Variants in PLCB1 observed in about 807,000 individuals in gnomAD.
PLCB1 encodes the protein 1-phosphatidylinositol 4,5-bisphosphate phosphodiesterase beta-1.
Under a neutral mutation model 161.8 loss-of-function variants are expected in PLCB1, and 46 were observed. The ratio of observed to expected loss-of-function variants is 0.28; its 90% confidence interval spans 0.22 to 0.36. The LOEUF (loss-of-function observed/expected upper bound fraction) is 0.36. Among genes scored for constraint, PLCB1 ranks in the 10% least tolerant of loss-of-function variants. The probability of loss-of-function intolerance (pLI) is 1.00; values close to 1 mark genes in which losing one functional copy is unlikely to be tolerated. For missense variants in PLCB1, 1,016 were observed against 1,472.5 expected (o/e 0.69, Z 5.07); for synonymous variants, 517 against 503.7 (o/e 1.03, Z -0.35).
chr20:8,672,821 G>A (rs934889009), intron 9 of PLCB1, among the ~76,000 whole-genome samples: 12 of 152,034 alleles, frequency 7.9e-5, no homozygotes, highest in African/African-American at 2.9e-4. Flanking sequence ...CTTATTTAAA[G>A]TTACATTCAG....
At chr20:8,209,254 G>A (rs1231391497) in intron 2 of PLCB1, among the ~76,000 whole-genome samples, 1 of 151,650 alleles carries the variant, frequency 6.6e-6, no homozygotes, top group East Asian at 1.9e-4. Flanking sequence ...GTTTAACCTC[G>A]GGGTTTGTCA....
chr20:8,276,688 G>A (rs1206161587), intron 2 of PLCB1, among the ~76,000 whole-genome samples: 1 of 152,002 alleles, frequency 6.6e-6, no homozygotes, highest in African/African-American at 2.4e-5. Context: ...TGATAAAATG[G>A]GATGTAAGGG....
intron 2 of PLCB1, among the ~76,000 whole-genome samples, chr20:8,172,869 C>T (rs566706469): frequency 1.3e-5 from 2 of 152,102 alleles, no homozygotes; most frequent in African/African-American, 2.4e-5. Flanking sequence ...TTATGTTTCC[C>T]CCAGCCAGTA....
At chr20:8,188,943 A>T (rs2051935701) in intron 2 of PLCB1, among the ~76,000 whole-genome samples, 1 of 152,124 alleles carries the variant, frequency 6.6e-6, no homozygotes, top group East Asian at 1.9e-4. Flanking sequence ...AGTGTTTCAG[A>T]GGAAAATATT....
chr20:8,790,075 C>T, intron 30 of PLCB1, 100 bp from the exon 31 acceptor site: 1 of 753,100 alleles, frequency 1.3e-6, no homozygotes, highest in Non-Finnish European at 2.2e-6. Flanking sequence ...ATCAAATAAT[C>T]AAATGTAAGC....
intron 3 of PLCB1, among the ~76,000 whole-genome samples, chr20:8,506,222 G>A (rs1297852324): frequency 6.6e-6 from 1 of 151,912 alleles, no homozygotes; most frequent in Non-Finnish European, 1.5e-5. Context: ...TTTGCCTATT[G>A]GCCATCTGGC....
intron 14 of PLCB1, among the ~76,000 whole-genome samples, chr20:8,719,327 G>A (rs1979501202): frequency 6.6e-6 from 1 of 152,156 alleles, no homozygotes; most frequent in Non-Finnish European, 1.5e-5. Context: ...TGCTAAAGAT[G>A]TGTATTTAGG....
intron 3 of PLCB1, among the ~76,000 whole-genome samples, chr20:8,606,300 C>T (rs1987756266): frequency 6.6e-6 from 1 of 152,130 alleles, no homozygotes; most frequent in South Asian, 2.1e-4. Flanking sequence ...TATTAAATAA[C>T]ACAGTACTTT....
intron 3 of PLCB1, among the ~76,000 whole-genome samples, chr20:8,465,897 G>A (rs1232727): frequency 0.021 from 3,149 of 150,422 alleles, 90 homozygotes; most frequent in African/African-American, 0.073. Flanking sequence ...TAGTTCAACC[G>A]TTGTGGAAGT....
intron 2 of PLCB1, chr20:8,305,570 G>GT (rs569651396): frequency 5.1e-4 from 77 of 152,304 alleles, no homozygotes; most frequent in African/African-American, 1.8e-3. Flanking sequence ...CCAACCACCT[G>GT]TGGTAAAGGC....
chr20:8,569,348 A>G (rs1986433925), intron 3 of PLCB1, among the ~76,000 whole-genome samples: 1 of 152,238 alleles, frequency 6.6e-6, no homozygotes, highest in African/African-American at 2.4e-5. Context: ...AAATTATCCA[A>G]ACTGTCTAGT....
intron 3 of PLCB1, among the ~76,000 whole-genome samples, chr20:8,399,298 C>G (rs1312863907): frequency 6.6e-6 from 1 of 151,950 alleles, no homozygotes; most frequent in African/African-American, 2.4e-5. Flanking sequence ...AATTGTATAT[C>G]TCTTTTTATT....
At chr20:8,764,901 A>G (rs535418779) in intron 25 of PLCB1, among the ~76,000 whole-genome samples, 1 of 152,290 alleles carries the variant, frequency 6.6e-6, no homozygotes, top group South Asian at 2.1e-4. Flanking sequence ...GGGAACCCAA[A>G]CTAAAAATAT....
At chr20:8,836,151 A>C (rs140295148) in intron 31 of PLCB1, among the ~76,000 whole-genome samples, 1 of 152,244 alleles carries the variant, frequency 6.6e-6, no homozygotes, top group East Asian at 2.0e-4. Flanking sequence ...TAGACTTCTT[A>C]AGGCCTAGGC....
chr20:8,778,518 A>C (rs181805301), intron 27 of PLCB1, among the ~76,000 whole-genome samples: 1 of 152,142 alleles, frequency 6.6e-6, no homozygotes, highest in Non-Finnish European at 1.5e-5. Context: ...TAGAAATCCT[A>C]CTAGAGGTGG....
chr20:8,132,772 G>C lies in PLCB1; in HGVS notation c.99+22G>C. The C allele has an allele frequency of 6.4e-7, 1 of 1,566,714 alleles. No individual in the cohort carries two copies. The highest frequency in any genetic ancestry group is 8.8e-7 in the Non-Finnish European group (1 of 1,139,270). ...TGATGTAAGTATTGGGGCGGCCCGA[G>C]TCGGGGCGCTGGCTCGGGCACCGGG... On this transcript the variant is annotated intron_variant, in intron 1 of 31. Transcript: ENST00000338037. This position sits in a 1 kb window ranked among gnomAD's most constrained non-coding sequence, Gnocchi z 5.2.
Position 8,747,121 on chromosome 20 carries a change from T to C in PLCB1, c.2523+5548T>C, listed in dbSNP as rs192921005. 4.0e-3 allele frequency among the ~76,000 whole-genome samples: 614 copies of C among 152,382 alleles called. 3 individuals are homozygous for C. The highest frequency in any genetic ancestry group is 6.8e-3 in the Non-Finnish European group (462 of 68,042). On this transcript the variant is annotated intron_variant, in intron 23 of 31. Transcript: ENST00000338037. ...GTTACCTGAATGAGTGAGCACAGGA[T>C]ATAAGACCTTTACCTTAAACAGTAA...
Position 8,460,324 on chromosome 20 carries a change from A to G in PLCB1, c.246+88874A>G, listed in dbSNP as rs1279367879. ...GCCATCCGCTTATACCTGGCTTAGA[A>G]TATCATTTTTAGAGACATGACCACA... On this transcript the variant is annotated intron_variant, in intron 3 of 31. Coordinates refer to ENST00000338037, the MANE Select transcript of PLCB1 (RefSeq NM_015192.4). Among the ~76,000 whole-genome samples, 4 of 152,198 alleles carry G rather than the reference A, an allele frequency of 2.6e-5. 1 individual carries two copies. Among genetic ancestry groups the G allele is most frequent in the Admixed American group, 2.0e-4 (3 of 15,282 alleles).
chr20:8,793,188 G>T (rs1207678941), intron 31 of PLCB1, among the ~76,000 whole-genome samples: 1 of 152,182 alleles, frequency 6.6e-6, no homozygotes, highest in Non-Finnish European at 1.5e-5. Flanking sequence ...CATTCAGTCA[G>T]ATAAGAAAAC....
Sources: allele counts gnomAD v4.1 joint callset (sites outside exome capture counted in the v4.1 genomes callset), GRCh38; gene constraint gnomAD v4.1.1; non-coding constraint Gnocchi (gnomAD v3.1); transcripts MANE v1.5; gene names NCBI Gene and HGNC (gene_info 2026-07-23, HGNC 2026-07-21).